MRAS: variants seen among roughly 807,000 people sequenced by gnomAD.
MRAS encodes the protein muscle RAS oncogene homolog.
MRAS carries 4 observed loss-of-function variants against 20.9 expected under a neutral mutation model. The ratio of observed to expected loss-of-function variants is 0.19; its 90% confidence interval spans 0.09 to 0.44. The LOEUF is 0.44. MRAS is among the 20% of genes least tolerant of loss of function. The probability of loss-of-function intolerance (pLI) is 0.99; values close to 1 mark genes in which losing one functional copy is unlikely to be tolerated. For missense variants in MRAS, 154 were observed against 277.5 expected (o/e 0.56, Z 3.16); for synonymous variants, 98 against 102.9 (o/e 0.95, Z 0.29).
At chr3:138,391,746 A>G (rs1269165262) in intron 2 of MRAS, among the ~76,000 whole-genome samples, 1 of 152,222 alleles carries the variant, frequency 6.6e-6, no homozygotes, top group Non-Finnish European at 1.5e-5. Flanking sequence ...ATTTCAGATA[A>G]AGGACAAAAC....
chr3:138,362,112 A>G (rs1258313312), intron 1 of MRAS, among the ~76,000 whole-genome samples: 5 of 152,246 alleles, frequency 3.3e-5, no homozygotes, highest in African/African-American at 1.2e-4. Context: ...CCAGGTGGCC[A>G]AGTAGCAGGC....
intron 2 of MRAS, among the ~76,000 whole-genome samples, chr3:138,389,768 G>A (rs1010934007): frequency 1.3e-5 from 2 of 152,008 alleles, no homozygotes; most frequent in African/African-American, 4.8e-5. Context: ...CCAAGGCTGT[G>A]AAGAGGACTG....
chr3:138,374,905 A>G (rs1282423072), intron 2 of MRAS, among the ~76,000 whole-genome samples: 1 of 152,184 alleles, frequency 6.6e-6, no homozygotes, highest in Admixed American at 6.5e-5. Context: ...TTTTTGTGAC[A>G]GAGTCTTGCA....
chr3:138,369,644 G>T (rs1229269662), intron 1 of MRAS, among the ~76,000 whole-genome samples: 3 of 152,268 alleles, frequency 2.0e-5, no homozygotes, highest in Middle Eastern at 6.8e-3. Flanking sequence ...GAGTAGTCTA[G>T]CCCTGTTCCA....
chr3:138,400,970 C>T (rs933054685), intron 5 of MRAS, among the ~76,000 whole-genome samples: 1 of 152,198 alleles, frequency 6.6e-6, no homozygotes, highest in Non-Finnish European at 1.5e-5. Flanking sequence ...GGTCTCTCTC[C>T]TCTTCCCTGC....
intron 2 of MRAS, among the ~76,000 whole-genome samples, chr3:138,375,889 G>A (rs1489382777): frequency 6.6e-6 from 1 of 152,106 alleles, no homozygotes; most frequent in Admixed American, 6.5e-5. Context: ...TCGGGTGGCT[G>A]AGGTGGGAGA....
chr3:138,385,780 G>A (rs2108541495), intron 2 of MRAS, among the ~76,000 whole-genome samples: 1 of 152,310 alleles, frequency 6.6e-6, no homozygotes, highest in East Asian at 1.9e-4. Context: ...CTCCCAAAGT[G>A]CTGGGGTTAC....
intron 2 of MRAS, among the ~76,000 whole-genome samples, chr3:138,386,255 C>T (rs937486807): frequency 2.6e-5 from 4 of 151,784 alleles, no homozygotes; most frequent in African/African-American, 4.8e-5. Context: ...TACCCATGAG[C>T]ACTCACTCTC....
At chr3:138,375,570 C>T (rs1467593178) in intron 2 of MRAS, among the ~76,000 whole-genome samples, 1 of 152,154 alleles carries the variant, frequency 6.6e-6, no homozygotes, top group African/African-American at 2.4e-5. Flanking sequence ...AGTGCAGTGG[C>T]ATGATCAAGG....
At chr3:138,397,838 A>G (rs34568901) in intron 3 of MRAS, among the ~76,000 whole-genome samples, 13,334 of 152,292 alleles carry the variant, frequency 0.088, 656 homozygotes, top group Non-Finnish European at 0.11. Context: ...GCTCCCACAG[A>G]TTAATGTGGG....
chr3:138,356,346 G>A (rs2054333822), intron 1 of MRAS, among the ~76,000 whole-genome samples: 1 of 152,108 alleles, frequency 6.6e-6, no homozygotes. Flanking sequence ...ATTTATGGGG[G>A]GTGTTGGCGG....
In MRAS at chr3:138,405,437, A is replaced by G. The variant is rs185014183; in HGVS notation, c.*3168A>G. Reference sequence around the variant, plus strand: ...AACAGGTGGCCATTGTCGTGAAACGAGTGATGCCTGAAGATCTCAGTGATG... The same window carrying G: ...AACAGGTGGCCATTGTCGTGAAACGGGTGATGCCTGAAGATCTCAGTGATG... On this transcript the variant is annotated 3_prime_UTR_variant, in exon 6 of 6. Transcript: ENST00000423968. 3.3e-5 allele frequency: 5 copies of G among 152,808 alleles called. No homozygotes were observed. The East Asian group carries it at 7.7e-4, about 24-fold the overall frequency. 9.5% of individuals were successfully genotyped at this position (152,808 alleles called of 1,614,324 possible). A position where few individuals can be genotyped will look rare whatever the true frequency, so the allele number is the denominator to read the frequency against.
chr3:138,363,819 A>ACCCCCC (rs62977360), intron 1 of MRAS, among the ~76,000 whole-genome samples: 1 of 32,942 alleles, frequency 3.0e-5, no homozygotes, highest in African/African-American at 1.1e-4. Context: ...TAGAGGATTT[A>ACCCCCC]CCCCCCCCCC....
chr3:138,358,455 A>G (rs1413299131), intron 1 of MRAS, among the ~76,000 whole-genome samples: 2 of 152,240 alleles, frequency 1.3e-5, no homozygotes, highest in African/African-American at 4.8e-5. Flanking sequence ...TTATTAAGCT[A>G]TCATTATTAC....
At chr3:138,392,312 G>A (rs1454495495) in intron 2 of MRAS, among the ~76,000 whole-genome samples, 1 of 152,146 alleles carries the variant, frequency 6.6e-6, no homozygotes. Flanking sequence ...GGCTCAAGCT[G>A]ATCCTCCGCT....
chr3:138,369,253 G>C (rs532032023), intron 1 of MRAS, among the ~76,000 whole-genome samples: 2 of 152,366 alleles, frequency 1.3e-5, no homozygotes, highest in African/African-American at 4.8e-5. Context: ...ACAAGATGCT[G>C]TTCCTGCCCT....
At position 138,404,694 on chromosome 3, in the gene MRAS, T is replaced by G. The variant is rs1435894881; in HGVS notation, c.*2425T>G. On this transcript the variant is annotated 3_prime_UTR_variant, in exon 6 of 6. Coordinates refer to ENST00000423968, the MANE Select transcript of MRAS (RefSeq NM_001085049.3). ...TGAAATGGGTAAATAATGCCCCATT[T>G]GTAGAAGTGGGCCCTCATGACTGAG... is the stretch of plus-strand genomic sequence containing the variant. 6.6e-6 allele frequency: 1 copy of G among 152,184 alleles called. No individual in the cohort carries two copies. The highest frequency in any genetic ancestry group is 1.5e-5 in the Non-Finnish European group (1 of 68,048). 9.4% of individuals were successfully genotyped at this position (152,184 alleles called of 1,614,324 possible).
chr3:138,375,360 A>G (rs1329355875), intron 2 of MRAS, among the ~76,000 whole-genome samples: 1 of 152,180 alleles, frequency 6.6e-6, no homozygotes, highest in African/African-American at 2.4e-5. Context: ...GTCTGTGTCT[A>G]ATTTTGGTAT....
chr3:138,385,004 G>A (rs939625974), intron 2 of MRAS, among the ~76,000 whole-genome samples: 2 of 152,096 alleles, frequency 1.3e-5, no homozygotes, highest in African/African-American at 4.8e-5. Context: ...AGTGGTTGGA[G>A]ATGAAAGTCT....
Sources: gnomAD v4.1 joint callset for allele counts (sites outside exome capture counted in the v4.1 genomes callset) on GRCh38, gnomAD v4.1.1 for gene constraint, MANE v1.5 for transcripts, NCBI Gene and HGNC (gene_info 2026-07-23, HGNC 2026-07-21) for gene names.